Variants in NOTCH1 observed in about 807,000 individuals in gnomAD.
NOTCH1 encodes the protein notch receptor 1.
NOTCH1 carries 37 observed loss-of-function variants against 254.8 expected under a neutral mutation model. The observed-to-expected ratio is 0.15, with a 90% CI of 0.11 to 0.19. The LOEUF (loss-of-function observed/expected upper bound fraction) is 0.19. Among genes scored for constraint, NOTCH1 ranks in the 10% least tolerant of loss-of-function variants. The pLI is 1.00. For synonymous variants in NOTCH1, 1,731 were observed against 1,618.1 expected, an observed-to-expected ratio of 1.07 and a Z score of -1.68; for missense variants, 2,972 against 3,708.6, an observed-to-expected ratio of 0.80 and a Z score of 5.16.
At chr9:136,539,343 C>CT (rs542389752) in intron 2 of NOTCH1, among the ~76,000 whole-genome samples, 58 of 152,340 alleles carry the variant, frequency 3.8e-4, no homozygotes, top group African/African-American at 1.3e-3. Flanking sequence ...TCTCCCCAGT[C>CT]TGAGTAGGTG....
intron 30 of NOTCH1, 150 bp downstream of exon 30, chr9:136,501,598 C>T (rs1842996212): frequency 4.2e-6 from 4 of 958,742 alleles, no homozygotes; most frequent in Non-Finnish European, 6.2e-6. Flanking sequence ...CCCCCCACGT[C>T]TACTCTGAAT....
chr9:136,506,116 T>A lies in NOTCH1; in HGVS notation c.4015-235A>T, dbSNP rs1231013391. 6.6e-6 allele frequency among the ~76,000 whole-genome samples: 1 copy of A among 152,086 alleles called. No individual in the cohort carries two copies. The highest frequency in any genetic ancestry group is 1.5e-5 in the Non-Finnish European group (1 of 67,994). On this transcript the variant is annotated intron_variant, in intron 24 of 33. Transcript: ENST00000651671. The surrounding 1 kb of genome is among the most constrained non-coding windows in gnomAD (Gnocchi z 4.5). Reference sequence around the variant, plus strand: ...GGTAAACTGGTGGAGTGCTGAGGACTTTAGGGCAGGGACTCTCTGCCGTGA... The same window carrying A: ...GGTAAACTGGTGGAGTGCTGAGGACATTAGGGCAGGGACTCTCTGCCGTGA...
chr9:136,518,021 GC>G lies in NOTCH1; in HGVS notation c.1256-85del. 3.8e-6 allele frequency: 6 copies of G among 1,571,560 alleles called. No homozygotes were observed. The South Asian group carries it at 6.8e-5, about 18-fold the overall frequency. On this transcript the variant is annotated intron_variant, in intron 7 of 33. Transcript: ENST00000651671. ...ACTGCACACCACCCCCATCGGACTG[GC>G]AGGGTCCCATCCCCCATCTAACTGG...
In NOTCH1 at chr9:136,510,804, C is replaced by T. The variant is rs1312194583; in HGVS notation, c.2589G>A (p.Gly863=). Residue 863 remains glycine, a splice_region_variant and synonymous_variant, in exon 17 of 34, where the codon GGG becomes GGA. Transcript: ENST00000651671. ...FSCVCPTGWQ[G]QTCEVDINEC... ...CGTTGATGTCGACCTCACAGGTCTGCCCTGCGGGGCAGGAGGAGGCCGGTT... is the reference window on the plus strand; with the variant it reads ...CGTTGATGTCGACCTCACAGGTCTGTCCTGCGGGGCAGGAGGAGGCCGGTT... 1.2e-6 allele frequency: 2 copies of T among 1,609,052 alleles called. No homozygotes were observed. The highest frequency in any genetic ancestry group is 4.5e-5 in the East Asian group (2 of 44,874).
In NOTCH1 at chr9:136,507,429, G is replaced by A. The variant is rs765576108; in HGVS notation, c.3519C>T (p.Ala1173=). The change falls in exon 22 of 34, where the codon GCC becomes GCT. Residue 1173 remains alanine (A), a synonymous_variant. Transcript: ENST00000651671. ...YLGGYSCKCV[A]GYHGVNCSEE... ...CAGAGCAGTTCACCCCGTGGTAGCC[G>A]GCCACGCACTGTGCAGGCGACAGAA... 31 of 1,606,294 alleles carry A rather than the reference G, an allele frequency of 1.9e-5. No individual in the cohort carries two copies. Among genetic ancestry groups the A allele is most frequent in the African/African-American group, 1.9e-4 (14 of 74,848 alleles).
In NOTCH1 at chr9:136,515,673, G is replaced by T. The variant is rs1017787746; in HGVS notation, c.1713C>A (p.Asp571Glu). The change falls in exon 11 of 34, where the codon GAC becomes GAA. Residue 571 changes from aspartate (D) to glutamate (E), a missense_variant. Asp to Glu is a conservative substitution (Grantham distance 45). This residue lies in a region of NOTCH1 where 128 missense variants were observed against 193.8 expected (regional missense o/e 0.66). Transcript: ENST00000651671. ...THCEVDIDEC[D>E]PDPCHYGSCK... ...AGGAGCCGTAGTGGCAGGGGTCGGG[G>T]TCGCACTCATCGATGTCCACCTCGC... The T allele has an allele frequency of 6.4e-7, 1 of 1,565,946 alleles. No homozygotes were observed. The highest frequency in any genetic ancestry group is 8.6e-7 in the Non-Finnish European group (1 of 1,160,974).
At chr9:136,507,753 T>G (rs1251078032) in intron 21 of NOTCH1, among the ~76,000 whole-genome samples, 2 of 152,226 alleles carry the variant, frequency 1.3e-5, no homozygotes, top group Middle Eastern at 3.4e-3. Context: ...CACTTCTCAG[T>G]ATAGGTACCC....
chr9:136,505,675 G>C lies in NOTCH1; in HGVS notation c.4221C>G (p.Ser1407=). 1.2e-6 allele frequency: 2 copies of C among 1,610,860 alleles called. No individual in the cohort carries two copies. The highest frequency in any genetic ancestry group is 1.7e-6 in the Non-Finnish European group (2 of 1,178,706). Residue 1407 remains serine, a synonymous_variant, in exon 25 of 34, where the codon TCC becomes TCG. Transcript: ENST00000651671. ...ACAGGCAACGGTAGAAGGGGCTCTCGGATGTGGGCTCACAGGTCCCCTGGT... is the reference window on the plus strand; with the variant it reads ...ACAGGCAACGGTAGAAGGGGCTCTCCGATGTGGGCTCACAGGTCCCCTGGT... ...CYNQGTCEPT[S]ESPFYRCLCP...
rs2133330818 is a variant in NOTCH1, at chr9:136,502,280, C to T, written c.5376G>A (p.Val1792=). The change falls in exon 28 of 34, where the codon GTG becomes GTA. Residue 1792 remains valine, a synonymous_variant. Transcript: ENST00000651671. ...GGGCGGCGTCCGCTCACTTGAGGCC[C>T]ACGGAGTCCTCGCCGAGGGGCTCCC... The part of the protein sequence containing the change: ...KRREPLGEDS[V]GLKPLKNASD... 6.2e-7 allele frequency: 1 copy of T among 1,611,986 alleles called. No homozygotes were observed. The highest frequency in any genetic ancestry group is 8.5e-7 in the Non-Finnish European group (1 of 1,179,700).
At chr9:136,510,547 C>T (rs778434883) in intron 17 of NOTCH1, 106 bp downstream of exon 17, 231 of 1,438,640 alleles carry the variant, frequency 1.6e-4, no homozygotes, top group African/African-American at 5.8e-4. Flanking sequence ...GGCCACACTC[C>T]GGCCTCCCTG....
intron 2 of NOTCH1, among the ~76,000 whole-genome samples, chr9:136,539,186 C>T (rs1354157984): frequency 6.6e-6 from 1 of 152,098 alleles, no homozygotes; most frequent in East Asian, 1.9e-4. Flanking sequence ...TTTCTTTCTC[C>T]CTCTCTCTTT....
rs1247959564 is a variant in NOTCH1 at position 136,495,576 on chromosome 9, G to C, written c.*495C>G. The C allele has an allele frequency of 2.5e-6, 1 of 400,308 alleles. No homozygotes were observed. The highest frequency in any genetic ancestry group is 2.1e-5 in the African/African-American group (1 of 48,662). 24.8% of individuals were successfully genotyped at this position (400,308 alleles called of 1,614,324 possible). A position where few individuals can be genotyped will look rare whatever the true frequency, so the allele number is the denominator to read the frequency against. On this transcript the variant is annotated 3_prime_UTR_variant, in exon 34 of 34. Transcript: ENST00000651671. ...CTCCTAACAGGCAGGTGATGCTGGTGGAGCGGCCGGGCTGGCTTGGGGTTG... is the reference window on the plus strand; with the variant it reads ...CTCCTAACAGGCAGGTGATGCTGGTCGAGCGGCCGGGCTGGCTTGGGGTTG...
rs1454630791 is a variant in NOTCH1 at position 136,513,454 on chromosome 9, T to C, written c.2291A>G (p.Asn764Ser). The change falls in exon 14 of 34, where the codon AAC becomes AGC. Residue 764 changes from asparagine (N) to serine (S), a missense_variant. Physicochemically the swap from Asn to Ser is conservative, Grantham distance 46. Coordinates refer to ENST00000651671, the MANE Select transcript of NOTCH1 (RefSeq NM_017617.5). The surrounding 1 kb of genome is among the most constrained non-coding windows in gnomAD (Gnocchi z 4.7). Reference protein sequence around the residue: ...NNECESNPCVNGGTCKDMTSG... With the variant: ...NNECESNPCVSGGTCKDMTSG... ...GGTCATGTCTTTGCAGGTGCCGCCG[T>C]TGACACAAGGGTTGGATTCACACTC... is the stretch of plus-strand genomic sequence containing the variant. The C allele has an allele frequency of 1.2e-5, 19 of 1,613,202 alleles. No individual in the cohort carries two copies. The highest frequency in any genetic ancestry group is 1.5e-5 in the Non-Finnish European group (18 of 1,180,018).
rs1307681336 is a variant in NOTCH1, at chr9:136,497,108, A to G, written c.6631T>C (p.Ser2211Pro). ...DSLESPHGYL[S>P]DVASPPLLPS... ...AGCAGTGGCGGCGAGGCCACGTCTG[A>G]CAGGTAGCCATGGGGTGACTCCAGG... Residue 2211 changes from serine (S) to proline (P), a missense_variant, in exon 34 of 34, where the codon TCA becomes CCA. Ser to Pro is a moderately conservative substitution (Grantham distance 74). This residue lies in a region of NOTCH1 where 529 missense variants were observed against 529.2 expected (regional missense o/e 1.00). Transcript: ENST00000651671. The G allele has an allele frequency of 1.9e-6, 3 of 1,611,170 alleles. No individual in the cohort carries two copies. Among genetic ancestry groups the G allele is most frequent in the Non-Finnish European group, 2.5e-6 (3 of 1,178,976 alleles).
At chr9:136,500,140 C>T (rs1201974421) in intron 31 of NOTCH1, among the ~76,000 whole-genome samples, 6 of 152,232 alleles carry the variant, frequency 3.9e-5, no homozygotes, top group Admixed American at 2.6e-4. Flanking sequence ...AGGCACCGAG[C>T]GGCAGCCTCT....
intron 33 of NOTCH1, 40 bp from the exon 34 acceptor site, chr9:136,497,598 C>G: frequency 6.6e-7 from 1 of 1,509,240 alleles, no homozygotes; most frequent in Non-Finnish European, 8.9e-7. Context: ...GGGGCCAGGC[C>G]AGGCGTGGGG....
intron 2 of NOTCH1, among the ~76,000 whole-genome samples, chr9:136,525,999 A>G (rs1423701514): frequency 6.6e-6 from 1 of 152,246 alleles, no homozygotes; most frequent in Non-Finnish European, 1.5e-5. Context: ...GGCTCTGGGG[A>G]ATTCACTCAG....
intron 2 of NOTCH1, among the ~76,000 whole-genome samples, chr9:136,528,076 AC>A (rs1564206418): frequency 6.6e-6 from 1 of 151,718 alleles, no homozygotes; most frequent in East Asian, 2.0e-4. Flanking sequence ...GCCATCTGCC[AC>A]CCCCAGGGGA....
At chr9:136,514,391 A>C in intron 13 of NOTCH1, 119 bp downstream of exon 13, 2 of 1,134,808 alleles carry the variant, frequency 1.8e-6, no homozygotes, top group Non-Finnish European at 2.5e-6. Flanking sequence ...CCTGCCACCC[A>C]GCCCCGTCCG....
Sources: gnomAD v4.1 joint callset for allele counts (sites outside exome capture counted in the v4.1 genomes callset) on GRCh38, gnomAD v4.1.1 for gene constraint, gnomAD v4.1.1 regional missense constraint, Gnocchi (gnomAD v3.1) non-coding constraint, MANE v1.5 for transcripts, NCBI Gene and HGNC (gene_info 2026-07-23, HGNC 2026-07-21) for gene names.